The following PTK2 variants were observed in gnomAD, a reference collection of about 807,000 sequenced individuals.
PTK2 encodes the protein focal adhesion kinase 1.
PTK2 carries 45 observed loss-of-function variants against 150.1 expected under a neutral mutation model. The observed-to-expected ratio is 0.30, with a 90% CI of 0.24 to 0.38. The LOEUF is 0.38. Ranked by LOEUF, PTK2 falls within the 10% of genes least tolerant of loss-of-function variation. The probability of loss-of-function intolerance (pLI) is 1.00; values close to 1 mark genes in which losing one functional copy is unlikely to be tolerated. For synonymous variants in PTK2, 432 were observed against 449.2 expected (o/e 0.96, Z 0.48); for missense variants, 919 against 1,307.3 (o/e 0.70, Z 4.58).
intron 1 of PTK2, among the ~76,000 whole-genome samples, chr8:140,995,074 ACT>A (rs2100197100): frequency 1.5e-5 from 2 of 133,130 alleles, no homozygotes; most frequent in South Asian, 5.0e-4. Flanking sequence ...CAAGAGTGAA[ACT>A]CTGTCTCAAA....
At chr8:140,677,137 G>A (rs1385531210) in intron 27 of PTK2, among the ~76,000 whole-genome samples, 1 of 152,074 alleles carries the variant, frequency 6.6e-6, no homozygotes, top group Non-Finnish European at 1.5e-5. Context: ...CCTCTAAAGG[G>A]TTTAAAATCC....
In PTK2 at chr8:140,730,427, C is replaced by T. The variant is rs140400094; in HGVS notation, c.2030+4824G>A. ...ATAAATTATATATATAAAGTAAGTA[C>T]TGACTGATACCATTTACATCATGTT... On this transcript the variant is annotated intron_variant, in intron 22 of 31. Coordinates refer to ENST00000522684, the Ensembl canonical transcript of PTK2. Among the ~76,000 whole-genome samples, 503 of 152,268 alleles carry T rather than the reference C, an allele frequency of 3.3e-3. 4 individuals are homozygous for T. The highest frequency in any genetic ancestry group is 0.011 in the African/African-American group (476 of 41,554).
chr8:140,822,559 C>T (rs2100109411), intron 8 of PTK2: 1 of 152,196 alleles, frequency 6.6e-6, no homozygotes, highest in South Asian at 2.1e-4. Flanking sequence ...TAATCCAGAA[C>T]TACTTGATTT....
intron 1 of PTK2, among the ~76,000 whole-genome samples, chr8:140,954,369 C>T (rs374683049): frequency 2.6e-5 from 4 of 152,088 alleles, no homozygotes; most frequent in Non-Finnish European, 2.9e-5. Context: ...TGTGTCCGGC[C>T]GTAACTTAGT....
intron 22 of PTK2, among the ~76,000 whole-genome samples, chr8:140,723,658 T>G (rs1317947202): frequency 6.6e-6 from 1 of 152,226 alleles, no homozygotes; most frequent in African/African-American, 2.4e-5. Flanking sequence ...CTGCCTAATG[T>G]GAACTGGCAA....
chr8:140,960,540 A>G (rs1009092649), intron 1 of PTK2, among the ~76,000 whole-genome samples: 9 of 152,124 alleles, frequency 5.9e-5, no homozygotes, highest in Non-Finnish European at 1.3e-4. Flanking sequence ...ATAAGTAATC[A>G]AGGCAAGATA....
chr8:140,669,333 A>ATATATATATATG (rs2094365698), intron 29 of PTK2: 2 of 143,638 alleles, frequency 1.4e-5, no homozygotes, highest in Admixed American at 6.9e-5. Context: ...ATATATATAT[A>ATATATATATATG]TATATATACA....
intron 5 of PTK2, among the ~76,000 whole-genome samples, chr8:140,858,279 G>T (rs141239483): frequency 6.6e-6 from 1 of 151,698 alleles, no homozygotes; most frequent in Admixed American, 6.6e-5. Flanking sequence ...TTCTAACATA[G>T]ATCTAACCCA....
chr8:140,963,350 A>G (rs1383654010), intron 1 of PTK2, among the ~76,000 whole-genome samples: 1 of 152,176 alleles, frequency 6.6e-6, no homozygotes, highest in African/African-American at 2.4e-5. Flanking sequence ...CCAAAGTCAC[A>G]TAATAATAAA....
At chr8:140,781,880 G>C (rs965678112) in intron 14 of PTK2, among the ~76,000 whole-genome samples, 3 of 152,196 alleles carry the variant, frequency 2.0e-5, no homozygotes, top group Non-Finnish European at 2.9e-5. Flanking sequence ...AGAACACCCC[G>C]ATCTCAACAG....
rs1427608175 is a variant in PTK2, at chr8:140,927,977, T to A, written c.-121-2228A>T. 4.5e-3 allele frequency among the ~76,000 whole-genome samples: 308 copies of A among 68,942 alleles called. 2 individuals are homozygous for A. The highest frequency in any genetic ancestry group is 9.3e-3 in the Middle Eastern group (1 of 108). 45.2% of individuals were successfully genotyped at this position (68,942 alleles called of 152,430 possible). On this transcript the variant is annotated intron_variant, in intron 1 of 31. Transcript: ENST00000522684. ...AAAAAAGAAAAAAAAAAAAAAAAAATATATATATATATATATGTATATATA... is the reference window on the plus strand; with the variant it reads ...AAAAAAGAAAAAAAAAAAAAAAAAAAATATATATATATATATGTATATATA...
chr8:140,816,119 C>T (rs1596868298), intron 10 of PTK2, among the ~76,000 whole-genome samples: 1 of 152,074 alleles, frequency 6.6e-6, no homozygotes, highest in East Asian at 1.9e-4. Context: ...AAAACCTGTT[C>T]AATCAATAAT....
At chr8:140,744,819 T>C (rs1593314478) in intron 18 of PTK2, 52 bp from the exon 22 acceptor site, 1 of 1,067,026 alleles carries the variant, frequency 9.4e-7, no homozygotes, top group Non-Finnish European at 1.4e-6. Flanking sequence ...TTAGTGGCAG[T>C]GAATCGAAAT....
intron 3 of PTK2, among the ~76,000 whole-genome samples, chr8:140,882,036 G>C (rs953922609): frequency 1.3e-5 from 2 of 152,134 alleles, no homozygotes; most frequent in Non-Finnish European, 2.9e-5. Context: ...ACAGTGAAAA[G>C]CAATAAACAC....
At chr8:140,928,105 T>A (rs531776779) in intron 1 of PTK2, among the ~76,000 whole-genome samples, 1 of 151,016 alleles carries the variant, frequency 6.6e-6, no homozygotes, top group African/African-American at 2.4e-5. Context: ...CGGAGCTACA[T>A]AGTAGTTGGC....
upstream of PTK2, chr8:141,001,419 C>T (rs2100200226): frequency 6.7e-6 from 1 of 150,178 alleles, no homozygotes; most frequent in East Asian, 2.0e-4. Flanking sequence ...GCCGCCCCCG[C>T]GCATGCCCAG....
chr8:140,791,920 C>T (rs750158815), intron 13 of PTK2, among the ~76,000 whole-genome samples: 1 of 152,188 alleles, frequency 6.6e-6, no homozygotes, highest in African/African-American at 2.4e-5. Flanking sequence ...CACACGGGCT[C>T]CTGCAAGCTA....
At chr8:140,704,959 C>T (rs950157551) in intron 24 of PTK2, among the ~76,000 whole-genome samples, 6 of 152,120 alleles carry the variant, frequency 3.9e-5, no homozygotes, top group Non-Finnish European at 8.8e-5. Context: ...CCCTCGAAAA[C>T]TCAAATGATT....
intron 30 of PTK2, among the ~76,000 whole-genome samples, chr8:140,666,947 G>C (rs776200961): frequency 2.6e-5 from 4 of 152,194 alleles, no homozygotes; most frequent in Admixed American, 1.3e-4. Context: ...TAAAAAGGAA[G>C]AAAATTCTGA....
Sources: gnomAD v4.1 joint callset for allele counts (sites outside exome capture counted in the v4.1 genomes callset) on GRCh38, gnomAD v4.1.1 for gene constraint, MANE v1.5 for transcripts, NCBI Gene and HGNC (gene_info 2026-07-23, HGNC 2026-07-21) for gene names.